Variants in TET3 observed in about 807,000 individuals in gnomAD.
TET3 encodes methylcytosine dioxygenase TET3.
TET3 carries 19 observed loss-of-function variants against 141.4 expected under a neutral mutation model. The observed-to-expected ratio is 0.13, with a 90% CI of 0.09 to 0.20. The LOEUF (loss-of-function observed/expected upper bound fraction) is 0.20. Ranked by LOEUF, TET3 falls within the 10% of genes least tolerant of loss-of-function variation. TET3 has a pLI of 1.00. For synonymous variants in TET3, 1,043 were observed against 980.9 expected (o/e 1.06, Z -1.18); for missense variants, 1,874 against 2,356.9 (o/e 0.80, Z 4.24).
rs548739011 is a variant in TET3 at position 74,032,438 on chromosome 2, G to T, written c.361-13840G>T. ...TGGGCGATGGCCCCAGCGGCTGCAA[G>T]AGGGGTGTGTCTCTGTGTGTGTGTG... On this transcript the variant is annotated intron_variant, in intron 3 of 11. Coordinates refer to ENST00000409262, the MANE Select transcript of TET3 (RefSeq NM_001287491.2). 3.0e-4 allele frequency among the ~76,000 whole-genome samples: 45 copies of T among 150,858 alleles called. No individual in the cohort carries two copies. In the East Asian group the frequency reaches 4.5e-3, roughly 15 times the overall value.
intron 2 of TET3, among the ~76,000 whole-genome samples, chr2:73,994,789 C>T (rs1684506858): frequency 6.6e-6 from 1 of 151,662 alleles, no homozygotes; most frequent in South Asian, 2.1e-4. Context: ...AGGCACGTGT[C>T]ACCGTGCCTG....
intron 4 of TET3, among the ~76,000 whole-genome samples, chr2:74,065,812 G>A (rs1453000526): frequency 6.6e-6 from 1 of 150,602 alleles, no homozygotes; most frequent in Non-Finnish European, 1.5e-5. Flanking sequence ...AGGCTGGAGT[G>A]CAGTGGTGCG....
chr2:73,986,113 C>T lies in TET3; in HGVS notation c.-291C>T. The T allele has an allele frequency of 3.6e-6, 1 of 279,132 alleles. No individual in the cohort carries two copies. Among genetic ancestry groups the T allele is most frequent in the Non-Finnish European group, 6.6e-6 (1 of 150,476 alleles). 17.3% of individuals were successfully genotyped at this position (279,132 alleles called of 1,614,324 possible). A position where few individuals can be genotyped will look rare whatever the true frequency, so the allele number is the denominator to read the frequency against. Reference sequence around the variant, plus strand: ...TCCAGGGTGGGTGAGGGTGAAGAACCCACCGGGCCAAGATGATCCCTTTTC... The same window carrying T: ...TCCAGGGTGGGTGAGGGTGAAGAACTCACCGGGCCAAGATGATCCCTTTTC... On this transcript the variant is annotated 5_prime_UTR_variant, in exon 2 of 12. Coordinates refer to ENST00000409262, the MANE Select transcript of TET3 (RefSeq NM_001287491.2).
Position 74,102,810 on chromosome 2 carries a change from G to A in TET3, c.*634G>A, listed in dbSNP as rs1170080228. 1 of 152,110 alleles carries A rather than the reference G, an allele frequency of 6.6e-6. No homozygotes were observed. The highest frequency in any genetic ancestry group is 2.4e-5 in the African/African-American group (1 of 41,406). 9.4% of individuals were successfully genotyped at this position (152,110 alleles called of 1,614,324 possible). ...TTCCCTTTGGGGAAGGGAGCCTCAGGACAGCTTCTGTCCTCTCTGATAGGA... is the reference window on the plus strand; with the variant it reads ...TTCCCTTTGGGGAAGGGAGCCTCAGAACAGCTTCTGTCCTCTCTGATAGGA... On this transcript the variant is annotated 3_prime_UTR_variant, in exon 12 of 12. Transcript: ENST00000409262.
At chr2:74,035,620 G>A (rs1290806308) in intron 3 of TET3, among the ~76,000 whole-genome samples, 3 of 152,028 alleles carry the variant, frequency 2.0e-5, no homozygotes, top group Admixed American at 6.6e-5. Context: ...CCAGCTACTC[G>A]GGAGGCTGAG....
intron 3 of TET3, among the ~76,000 whole-genome samples, chr2:74,031,216 C>T (rs1686667934): frequency 6.6e-6 from 1 of 151,832 alleles, no homozygotes; most frequent in African/African-American, 2.4e-5. Context: ...GAGAACAGCT[C>T]TGTTGAGGGG....
chr2:74,092,810 C>A, intron 8 of TET3, 92 bp from the exon 9 acceptor site: 1 of 1,125,128 alleles, frequency 8.9e-7, no homozygotes, highest in Non-Finnish European at 1.3e-6. Context: ...CCAGCCTCCC[C>A]CACGATGCTT....
intron 4 of TET3, among the ~76,000 whole-genome samples, chr2:74,053,697 G>A (rs1688069367): frequency 6.6e-6 from 1 of 152,228 alleles, no homozygotes; most frequent in Admixed American, 6.5e-5. Flanking sequence ...GCATTGTCCA[G>A]CGAATGTGGC....
chr2:74,030,646 T>G (rs1188143781), intron 3 of TET3, among the ~76,000 whole-genome samples: 2 of 152,144 alleles, frequency 1.3e-5, no homozygotes, highest in Non-Finnish European at 2.9e-5. Flanking sequence ...AAGACAGAAG[T>G]TGTAAGTTGT....
chr2:74,067,843 A>G (rs1311239887), intron 4 of TET3, among the ~76,000 whole-genome samples: 1 of 152,252 alleles, frequency 6.6e-6, no homozygotes, highest in Non-Finnish European at 1.5e-5. Context: ...TGGCTGGGAC[A>G]GGTTGCAAGG....
chr2:74,113,864 CATA>C, the TET3 span, among the ~76,000 whole-genome samples: 1,684 of 152,068 alleles, frequency 0.011, 24 homozygotes, highest in African/African-American at 0.037. Flanking sequence ...ATATTATTAA[CATA>C]ATAATACTAC....
chr2:74,115,990 G>A, the TET3 span, among the ~76,000 whole-genome samples: 1 of 150,198 alleles, frequency 6.7e-6, no homozygotes. Context: ...ACTCCAGCCT[G>A]GGCGACACTG....
Position 74,047,533 on chromosome 2 carries a change from T to C in TET3, c.1616T>C (p.Phe539Ser). The C allele has an allele frequency of 6.2e-7, 1 of 1,613,608 alleles. No individual in the cohort carries two copies. Among genetic ancestry groups the C allele is most frequent in the Non-Finnish European group, 8.5e-7 (1 of 1,179,882 alleles). Reference sequence around the variant, plus strand: ...CACCTCCACCACAAGCGCAGCCTCTTCCTAGAACAGGTGCACGACACCTCC... The same window carrying C: ...CACCTCCACCACAAGCGCAGCCTCTCCCTAGAACAGGTGCACGACACCTCC... ...QQHLHHKRSL[F>S]LEQVHDTSFP... is the part of the protein sequence containing the mutation. Residue 539 changes from phenylalanine to serine, a missense_variant, in exon 4 of 12, where the codon TTC becomes TCC. Transcript: ENST00000409262.
At position 74,092,925 on chromosome 2, in the gene TET3, C is replaced by T; in HGVS notation, c.3063C>T (p.Phe1021=). The stretch of plus-strand genomic sequence containing the variant: ...AGGAAGAAGTGCTCCGGAAGAGTTT[C>T]CAGGACCTGGCCACCGAAGTCGCTC... ...PKEEEVLRKS[F]QDLATEVAPL... is the part of the protein sequence containing the mutation. Residue 1021 remains phenylalanine (F), a synonymous_variant, in exon 9 of 12, where the codon TTC becomes TTT. Coordinates refer to ENST00000409262, the MANE Select transcript of TET3 (RefSeq NM_001287491.2). The T allele has an allele frequency of 6.3e-7, 1 of 1,591,672 alleles. No individual in the cohort carries two copies. The highest frequency in any genetic ancestry group is 8.6e-7 in the Non-Finnish European group (1 of 1,169,272).
chr2:74,006,863 GAGA>G (rs1460740561), intron 3 of TET3, among the ~76,000 whole-genome samples: 1 of 152,338 alleles, frequency 6.6e-6, no homozygotes, highest in African/African-American at 2.4e-5. Flanking sequence ...TACAGCTTCA[GAGA>G]AGGAGATACA....
At chr2:74,001,359 C>T (rs1684841035) in intron 2 of TET3, among the ~76,000 whole-genome samples, 1 of 152,220 alleles carries the variant, frequency 6.6e-6, no homozygotes, top group South Asian at 2.1e-4. Context: ...CTGTGAGTCA[C>T]TTCTCCCTGG....
At chr2:74,121,624 A>G in the TET3 span, 1 of 152,232 alleles carries the variant, frequency 6.6e-6, no homozygotes, top group African/African-American at 2.4e-5. Context: ...AAATGTATAA[A>G]TAAAGCTCCA....
intron 4 of TET3, among the ~76,000 whole-genome samples, chr2:74,063,443 T>G (rs531497702): frequency 1.3e-5 from 2 of 152,324 alleles, no homozygotes; most frequent in East Asian, 3.9e-4. Flanking sequence ...ATGATCCTTG[T>G]GTAAGTTAAT....
chr2:74,059,777 C>CCT (rs1293645133), intron 4 of TET3, among the ~76,000 whole-genome samples: 2 of 152,142 alleles, frequency 1.3e-5, no homozygotes, highest in Non-Finnish European at 2.9e-5. Context: ...CCCACCTTGG[C>CCT]CTCTCAGCAT....
Sources: gnomAD v4.1 joint callset for allele counts (sites outside exome capture counted in the v4.1 genomes callset) on GRCh38, gnomAD v4.1.1 for gene constraint, MANE v1.5 for transcripts, NCBI Gene and HGNC (gene_info 2026-07-23, HGNC 2026-07-21) for gene names.